The following C7orf33 variants were observed in gnomAD, a reference collection of about 807,000 sequenced individuals.
C7orf33 encodes the protein uncharacterized protein C7orf33.
C7orf33 carries 15 observed loss-of-function variants against 13.4 expected under a neutral mutation model. The ratio of observed to expected loss-of-function variants is 1.12; its 90% CI spans 0.75 to 1.72. The LOEUF is 1.72. C7orf33 is among the 40% of genes most tolerant of loss of function. The pLI is 0.00. For missense variants in C7orf33, 187 were observed against 220.3 expected (o/e 0.85, Z 0.96); for synonymous variants, 73 against 83.2 (o/e 0.88, Z 0.67).
At chr7:148,608,139 G>A (rs1796494089) in intron 1 of C7orf33, among the ~76,000 whole-genome samples, 1 of 152,178 alleles carries the variant, frequency 6.6e-6, no homozygotes, top group Non-Finnish European at 1.5e-5. Context: ...TGTCAATAAT[G>A]AGCCCCAGGC....
intron 1 of C7orf33, among the ~76,000 whole-genome samples, chr7:148,600,056 C>T (rs1307173982): frequency 6.6e-6 from 1 of 152,196 alleles, no homozygotes; most frequent in African/African-American, 2.4e-5. Context: ...TTTCACAGCC[C>T]ATGCCCCGCA....
chr7:148,599,666 G>A (rs564833330), intron 1 of C7orf33, among the ~76,000 whole-genome samples: 14 of 151,874 alleles, frequency 9.2e-5, no homozygotes, highest in Admixed American at 5.2e-4. Context: ...GTAGAGATGG[G>A]GTTTCACCAT....
intron 2 of C7orf33, 137 bp from the exon 3 acceptor site, chr7:148,615,187 CCTT>C: frequency 1.7e-6 from 1 of 588,452 alleles, no homozygotes; most frequent in Non-Finnish European, 3.1e-6. Context: ...GATCCACCCA[CCTT>C]GGCCTCTCAA....
chr7:148,597,203 A>C (rs937931468), intron 1 of C7orf33, among the ~76,000 whole-genome samples: 9 of 151,482 alleles, frequency 5.9e-5, no homozygotes, highest in African/African-American at 2.2e-4. Flanking sequence ...TATATAATAC[A>C]TACATATATA....
At chr7:148,611,288 A>AT in intron 1 of C7orf33, among the ~76,000 whole-genome samples, 1 of 152,174 alleles carries the variant, frequency 6.6e-6, no homozygotes, top group South Asian at 2.1e-4. Context: ...TGAATGTTGC[A>AT]TTTTCCAAGA....
At chr7:148,594,559 A>T (rs1488417878) in intron 1 of C7orf33, among the ~76,000 whole-genome samples, 1 of 152,196 alleles carries the variant, frequency 6.6e-6, no homozygotes, top group African/African-American at 2.4e-5. Flanking sequence ...AAGAGGAAAG[A>T]TGATACCAAC....
rs189740095 is a variant in C7orf33, at chr7:148,615,246, T to G, written c.460-81T>G. The G allele has an allele frequency of 1.3e-4, 123 of 927,376 alleles. 1 individual carries two copies. The highest frequency in any genetic ancestry group is 1.9e-4 in the Non-Finnish European group (108 of 565,582). The allele number at this position is 927,376 out of a possible 1,614,324, so 57.4% of individuals were successfully genotyped here. A position where few individuals can be genotyped will look rare whatever the true frequency, so the allele number is the denominator to read the frequency against. On this transcript the variant is annotated intron_variant, in intron 2 of 2. Transcript: ENST00000307003. Reference sequence around the variant, plus strand: ...GAGCCACCATGCCAGGCTGAGACAGTGTTTTAAACTGTGCTATTGATGTTC... The same window carrying G: ...GAGCCACCATGCCAGGCTGAGACAGGGTTTTAAACTGTGCTATTGATGTTC...
At chr7:148,600,011 G>C (rs1235607778) in intron 1 of C7orf33, among the ~76,000 whole-genome samples, 1 of 152,314 alleles carries the variant, frequency 6.6e-6, no homozygotes, top group South Asian at 2.1e-4. Flanking sequence ...GAGCCTCCTC[G>C]ATCCCTGGAA....
At chr7:148,609,084 G>T (rs1455731647) in intron 1 of C7orf33, among the ~76,000 whole-genome samples, 1 of 140,014 alleles carries the variant, frequency 7.1e-6, no homozygotes, top group Non-Finnish European at 1.5e-5. Context: ...TACCTTTCAC[G>T]TTGCAAAGAC....
At chr7:148,598,604 G>C (rs757979601) in intron 1 of C7orf33, among the ~76,000 whole-genome samples, 1 of 150,286 alleles carries the variant, frequency 6.7e-6, no homozygotes, top group East Asian at 2.0e-4. Context: ...TCTTATAGCA[G>C]AACTGGCGCT....
chr7:148,601,745 T>TTTTTG (rs768424152), intron 1 of C7orf33, among the ~76,000 whole-genome samples: 1 of 151,890 alleles, frequency 6.6e-6, no homozygotes, highest in Non-Finnish European at 1.5e-5. Flanking sequence ...TTTTGTGGGG[T>TTTTTG]TTTTGTTTTG....
At chr7:148,593,104 T>C (rs1477222450) in intron 1 of C7orf33, among the ~76,000 whole-genome samples, 1 of 152,072 alleles carries the variant, frequency 6.6e-6, no homozygotes, top group African/African-American at 2.4e-5. Context: ...CCTCCCAAAG[T>C]CCTGGGATTA....
intron 1 of C7orf33, among the ~76,000 whole-genome samples, chr7:148,594,703 A>C (rs1796309010): frequency 6.6e-6 from 1 of 152,158 alleles, no homozygotes; most frequent in Non-Finnish European, 1.5e-5. Flanking sequence ...ATGTGAAACC[A>C]AATGGTTTAG....
intron 1 of C7orf33, among the ~76,000 whole-genome samples, chr7:148,600,520 G>T (rs1304529771): frequency 6.6e-6 from 1 of 152,014 alleles, no homozygotes; most frequent in African/African-American, 2.4e-5. Context: ...CCAGAGCAGG[G>T]ACCCCTCTTG....
intron 1 of C7orf33, among the ~76,000 whole-genome samples, chr7:148,593,026 A>G (rs941068848): frequency 1.3e-5 from 2 of 151,968 alleles, no homozygotes; most frequent in African/African-American, 4.8e-5. Context: ...TTTTTAGTAG[A>G]TACAGGGTTT....
Position 148,590,989 on chromosome 7 carries a change from T to C in C7orf33, c.64T>C (p.Cys22Arg), listed in dbSNP as rs770555915. ...ECPWRLPGPQ[C>R]ECEALLPSGA... ...TCCCTGGAGACTTCCAGGCCCCCAATGTGAATGTGAAGCCCTCCTGCCCAG... is the reference window on the plus strand; with the variant it reads ...TCCCTGGAGACTTCCAGGCCCCCAACGTGAATGTGAAGCCCTCCTGCCCAG... The change falls in exon 1 of 3, where the codon TGT (cysteine) becomes CGT (arginine). Residue 22 changes from cysteine to arginine, a missense_variant. Coordinates refer to ENST00000307003, the MANE Select transcript of C7orf33 (RefSeq NM_145304.4). The C allele has an allele frequency of 3.7e-6, 6 of 1,614,114 alleles. No individual in the cohort carries two copies. Among genetic ancestry groups the C allele is most frequent in the East Asian group, 2.2e-5 (1 of 44,858 alleles).
intron 2 of C7orf33, 60 bp from the exon 3 acceptor site, chr7:148,615,267 T>A: frequency 9.0e-7 from 1 of 1,115,756 alleles, no homozygotes; most frequent in Admixed American, 1.7e-5. Context: ...GTGCTATTGA[T>A]GTTCTAGGGA....
intron 1 of C7orf33, among the ~76,000 whole-genome samples, chr7:148,604,120 C>CT (rs397686514): frequency 0.35 from 50,129 of 141,508 alleles, 11,535 homozygotes; most frequent in African/African-American, 0.67. Flanking sequence ...GACCATTATT[C>CT]TTTTTTTTTT....
At chr7:148,602,994 C>T (rs918906353) in intron 1 of C7orf33, among the ~76,000 whole-genome samples, 1 of 152,064 alleles carries the variant, frequency 6.6e-6, no homozygotes, top group African/African-American at 2.4e-5. Context: ...TAAAGATCAA[C>T]AAGAAAAGCA....
Sources: gnomAD v4.1 joint callset for allele counts (sites outside exome capture counted in the v4.1 genomes callset) on GRCh38, gnomAD v4.1.1 for gene constraint, MANE v1.5 for transcripts, NCBI Gene and HGNC (gene_info 2026-07-23, HGNC 2026-07-21) for gene names.